Variants in DIAPH2 observed in about 807,000 individuals in gnomAD.
DIAPH2 encodes the protein diaphanous related formin 2, also known as protein diaphanous homolog 2.
In DIAPH2, 35 loss-of-function variants were observed where a neutral mutation model predicts 92.7. The observed-to-expected ratio is 0.38, with a 90% confidence interval of 0.29 to 0.50. The LOEUF is 0.50. DIAPH2 is among the 20% of genes least tolerant of loss of function. DIAPH2 has a pLI of 0.94. For synonymous variants in DIAPH2, 301 were observed against 280.4 expected (o/e 1.07, Z -0.73); for missense variants, 701 against 819.5 (o/e 0.86, Z 1.77).
intron 5 of DIAPH2, among the ~76,000 whole-genome samples, chrX:96,889,400 A>T (rs2065292187): frequency 8.9e-6 from 1 of 111,863 alleles, no homozygotes; most frequent in Non-Finnish European, 1.9e-5. Context: ...ACTTCTAGTA[A>T]TTCTAACACC....
chrX:97,292,388 CCT>C (rs1186176602), intron 23 of DIAPH2, among the ~76,000 whole-genome samples: 1 of 110,900 alleles, frequency 9.0e-6, no homozygotes, highest in East Asian at 2.8e-4. Context: ...GTTTTCAAAG[CCT>C]CTCATTACAG....
intron 22 of DIAPH2, among the ~76,000 whole-genome samples, chrX:97,146,827 A>G (rs996845070): frequency 3.6e-5 from 4 of 111,750 alleles, no homozygotes; most frequent in African/African-American, 1.3e-4. Flanking sequence ...AGAATTCAAA[A>G]TCCACATTAA....
intron 4 of DIAPH2, among the ~76,000 whole-genome samples, chrX:96,842,873 A>G (rs1333540332): frequency 8.9e-6 from 1 of 111,759 alleles, no homozygotes; most frequent in Non-Finnish European, 1.9e-5. Context: ...AGGTGCAGGC[A>G]TTTCCATCTG....
At chrX:96,815,609 G>A (rs974316414) in intron 4 of DIAPH2, among the ~76,000 whole-genome samples, 1 of 111,967 alleles carries the variant, frequency 8.9e-6, no homozygotes, top group African/African-American at 3.2e-5. Context: ...CCTCTGTGTC[G>A]ATCATGCTGG....
At chrX:97,330,152 G>T (rs2068988087) in intron 23 of DIAPH2, among the ~76,000 whole-genome samples, 1 of 106,733 alleles carries the variant, frequency 9.4e-6, no homozygotes, top group Non-Finnish European at 1.9e-5. Context: ...GACCTAAATA[G>T]AAGTTTGCCT....
At chrX:97,088,298 G>A (rs1305485926) in intron 19 of DIAPH2, among the ~76,000 whole-genome samples, 1 of 111,163 alleles carries the variant, frequency 9.0e-6, no homozygotes, top group African/African-American at 3.3e-5. Context: ...CTTTCTCTTG[G>A]AAATACTCCC....
chrX:96,966,236 A>G (rs1196925676), intron 17 of DIAPH2, among the ~76,000 whole-genome samples: 3 of 111,852 alleles, frequency 2.7e-5, no homozygotes, highest in Non-Finnish European at 5.7e-5. Flanking sequence ...AAAAGTTACT[A>G]CTATTAGGCC....
Position 96,899,817 on chromosome X carries a change from G to A in DIAPH2, c.588-12511G>A, listed in dbSNP as rs912607881. Among the ~76,000 whole-genome samples the A allele has an allele frequency of 2.7e-4, 30 of 110,053 alleles. 1 individual carries two copies. In the Admixed American group the frequency reaches 2.9e-3, roughly 11 times the overall value. On this transcript the variant is annotated intron_variant, in intron 5 of 26. Coordinates refer to ENST00000324765, the MANE Select transcript of DIAPH2 (RefSeq NM_006729.5). The stretch of plus-strand genomic sequence containing the variant: ...CCCTGTCTTGTGCCAGTTTTCAAAG[G>A]GAATGCTTCCAGTTTTTGCCCATTC...
At chrX:96,735,309 C>G in intron 1 of DIAPH2, among the ~76,000 whole-genome samples, 1 of 111,798 alleles carries the variant, frequency 8.9e-6, no homozygotes, top group Non-Finnish European at 1.9e-5. Context: ...AGGAATAACA[C>G]AGTTCTTAGG....
chrX:97,085,315 A>G (rs2066775434), intron 19 of DIAPH2, among the ~76,000 whole-genome samples: 1 of 112,400 alleles, frequency 8.9e-6, no homozygotes, highest in Non-Finnish European at 1.9e-5. Context: ...AAAAGTAACA[A>G]CATGACCTTT....
intron 25 of DIAPH2, among the ~76,000 whole-genome samples, chrX:97,416,867 C>T (rs986196441): frequency 8.9e-6 from 1 of 112,397 alleles, no homozygotes; most frequent in African/African-American, 3.2e-5. Context: ...TCCCTCTTTT[C>T]CTTCTCCTTC....
At chrX:97,447,504 C>T (rs1402306843) in intron 26 of DIAPH2, among the ~76,000 whole-genome samples, 1 of 111,594 alleles carries the variant, frequency 9.0e-6, no homozygotes, top group Non-Finnish European at 1.9e-5. Flanking sequence ...GTTCACTATG[C>T]AGCTCATAGT....
intron 16 of DIAPH2, among the ~76,000 whole-genome samples, chrX:96,962,273 AC>A (rs1205157517): frequency 1.2e-5 from 1 of 82,394 alleles, no homozygotes; most frequent in East Asian, 3.3e-4. Flanking sequence ...ATATATATAT[AC>A]ATATATATAT....
intron 17 of DIAPH2, among the ~76,000 whole-genome samples, chrX:97,034,672 C>T (rs1030822116): frequency 8.1e-5 from 9 of 110,700 alleles, no homozygotes; most frequent in African/African-American, 2.6e-4. Flanking sequence ...CCTCTTTTCT[C>T]GTATAAAAAA....
At chrX:97,515,598 G>T (rs2070940199) in intron 26 of DIAPH2, among the ~76,000 whole-genome samples, 1 of 111,809 alleles carries the variant, frequency 8.9e-6, no homozygotes, top group South Asian at 3.8e-4. Context: ...GGAGAAATAT[G>T]ACTGGACAAA....
At chrX:97,391,418 C>T (rs964206027) in intron 25 of DIAPH2, among the ~76,000 whole-genome samples, 2 of 110,968 alleles carry the variant, frequency 1.8e-5, no homozygotes, top group African/African-American at 3.3e-5. Context: ...TCTCTTCCAC[C>T]GAAAGAGAGA....
At chrX:96,793,686 G>T (rs1286557642) in intron 4 of DIAPH2, 4 of 361,657 alleles carry the variant, frequency 1.1e-5, no homozygotes, top group Non-Finnish European at 2.1e-5. Context: ...CCTATCTGGG[G>T]TTTCCACCCT....
intron 26 of DIAPH2, among the ~76,000 whole-genome samples, chrX:97,476,455 C>T (rs1036049790): frequency 1.8e-5 from 2 of 111,835 alleles, no homozygotes; most frequent in African/African-American, 6.5e-5. Flanking sequence ...TACATGTCTG[C>T]ATCTTGCCTA....
intron 23 of DIAPH2, among the ~76,000 whole-genome samples, chrX:97,254,202 G>T (rs1421813973): frequency 2.7e-5 from 3 of 111,435 alleles, no homozygotes; most frequent in African/African-American, 9.8e-5. Context: ...GTCAAAAAGA[G>T]GACTCAAGGC....
Sources: gnomAD v4.1 joint callset for allele counts (sites outside exome capture counted in the v4.1 genomes callset) on GRCh38, gnomAD v4.1.1 for gene constraint, MANE v1.5 for transcripts, NCBI Gene and HGNC (gene_info 2026-07-23, HGNC 2026-07-21) for gene names.